Variants in APC2 observed in about 807,000 individuals in gnomAD.
APC2 encodes the protein adenomatous polyposis coli protein 2.
Under a neutral mutation model 72.5 loss-of-function variants are expected in APC2, and 41 were observed. The ratio of observed to expected loss-of-function variants is 0.57; its 90% confidence interval spans 0.44 to 0.73. The LOEUF is 0.73. Ranked by LOEUF, APC2 falls within the 30% of genes least tolerant of loss-of-function variation. APC2 has a pLI of 0.00. For synonymous variants in APC2, 1,898 were observed against 1,612.0 expected (o/e 1.18, Z -4.25); for missense variants, 3,729 against 3,403.4 (o/e 1.10, Z -2.38).
In APC2 at chr19:1,450,309, C is replaced by G; in HGVS notation, c.-48C>G. On this transcript the variant is annotated 5_prime_UTR_variant, in exon 1 of 15. Transcript: ENST00000590469. ...AGAGGGAGGAGGCCCCAGACCCAGG[C>G]GCCCCGCCAGCCCAGCTGCACGTAA... is the stretch of plus-strand genomic sequence containing the variant. 1 of 985,478 alleles carries G rather than the reference C, an allele frequency of 1.0e-6. No homozygotes were observed. The highest frequency in any genetic ancestry group is 1.2e-6 in the Non-Finnish European group (1 of 829,946). 61.0% of individuals were successfully genotyped at this position (985,478 alleles called of 1,614,324 possible).
At position 1,467,961 on chromosome 19, in the gene APC2, G is replaced by T. The variant is rs765175644; in HGVS notation, c.4660G>T (p.Ala1554Ser). The T allele has an allele frequency of 6.3e-7, 1 of 1,580,988 alleles. No individual in the cohort carries two copies. The highest frequency in any genetic ancestry group is 8.5e-7 in the Non-Finnish European group (1 of 1,172,746). The part of the protein sequence containing the change: ...GRKEAPAPSK[A>S]APAAPPPART... ...GAAGGAGGCCCCTGCCCCGTCCAAG[G>T]CTGCACCAGCTGCCCCGCCGCCCGC... The change falls in exon 15 of 15, where the codon GCT becomes TCT. Residue 1554 changes from alanine (A) to serine (S), a missense_variant. By Grantham distance (99) the Ala-to-Ser change is moderately conservative (BLOSUM62 1). Transcript: ENST00000590469.
chr19:1,458,817 G>A (rs1408026230), intron 10 of APC2, among the ~76,000 whole-genome samples: 1 of 151,934 alleles, frequency 6.6e-6, no homozygotes, highest in Non-Finnish European at 1.5e-5. Flanking sequence ...CCGAGTAGCT[G>A]GGATTACAGG....
rs766877349 is a variant in APC2 at position 1,469,861 on chromosome 19, G to A, written c.6560G>A (p.Ser2187Asn). The change falls in exon 15 of 15, where the codon AGC becomes AAC. Residue 2187 changes from serine (S) to asparagine (N), a missense_variant. Physicochemically the swap from Ser to Asn is conservative, Grantham distance 46. Transcript: ENST00000590469. ...GCCGGGCCCCCGCCGCGCAAGACCA[G>A]CGACGCCGTGGTCCAGACCGAGGAG... is the stretch of plus-strand genomic sequence containing the variant. Reference protein sequence around the residue: ...APAGPPPRKTSDAVVQTEEVA... With the variant: ...APAGPPPRKTNDAVVQTEEVA... 759 of 1,521,348 alleles carry A rather than the reference G, an allele frequency of 5.0e-4. No individual in the cohort carries two copies. The highest frequency in any genetic ancestry group is 6.1e-4 in the Non-Finnish European group (696 of 1,141,570). 94.2% of individuals were successfully genotyped at this position (1,521,348 alleles called of 1,614,324 possible).
Position 1,452,675 on chromosome 19 carries a change from G to A in APC2, c.-18-309G>A. 1 of 337,066 alleles carries A rather than the reference G, an allele frequency of 3.0e-6. No homozygotes were observed. Among genetic ancestry groups the A allele is most frequent in the Non-Finnish European group, 5.6e-6 (1 of 178,356 alleles). The allele number at this position is 337,066 out of a possible 1,614,324, so 20.9% of individuals were successfully genotyped here. A position where few individuals can be genotyped will look rare whatever the true frequency, so the allele number is the denominator to read the frequency against. On this transcript the variant is annotated intron_variant, in intron 1 of 14. Transcript: ENST00000590469. The surrounding 1 kb of genome is among the most constrained non-coding windows in gnomAD (Gnocchi z 5.1). Reference sequence around the variant, plus strand: ...CAGGATGTGTCCTGGGGGCTGGGAAGGAGAGGCCGACCCATCGTCTGTCGG... The same window carrying A: ...CAGGATGTGTCCTGGGGGCTGGGAAAGAGAGGCCGACCCATCGTCTGTCGG...
intron 11 of APC2, 33 bp downstream of exon 11, chr19:1,460,353 C>A: frequency 6.2e-7 from 1 of 1,612,558 alleles, no homozygotes. Context: ...CTGGCACTTT[C>A]CTCATCCAGT....
At position 1,455,496 on chromosome 19, in the gene APC2, C is replaced by A; in HGVS notation, c.635C>A (p.Ala212Glu). Residue 212 changes from alanine (A) to glutamate (E), a missense_variant, in exon 6 of 15, where the codon GCA (alanine) becomes GAA (glutamate). Transcript: ENST00000590469. ...FGTSDEMVQR[A>E]QIRASRLEQI... ...ACCTCGGACGAGATGGTGCAGCGGG[C>A]ACAGGTGCGGCGGTGGGCGGGGTGG... 1 of 1,600,346 alleles carries A rather than the reference C, an allele frequency of 6.2e-7. No individual in the cohort carries two copies. Among genetic ancestry groups the A allele is most frequent in the South Asian group, 1.1e-5 (1 of 89,332 alleles).
chr19:1,465,974 C>T lies in APC2; in HGVS notation c.2673C>T (p.Ser891=), dbSNP rs1302241656. Residue 891 remains serine, a synonymous_variant, in exon 15 of 15, where the codon TCC becomes TCT. Transcript: ENST00000590469. The part of the protein sequence containing the change: ...QEAPREGRAQ[S]CSPCRGPEGG... ...CGCCACGGGAGGGCCGCGCCCAGTC[C>T]TGCTCGCCATGCCGCGGCCCGGAGG... The T allele has an allele frequency of 1.9e-6, 3 of 1,542,136 alleles. No individual in the cohort carries two copies.
At position 1,455,784 on chromosome 19, in the gene APC2, G is replaced by A. The variant is rs114089059; in HGVS notation, c.639+284G>A. 9.1e-3 allele frequency among the ~76,000 whole-genome samples: 1,391 copies of A among 152,240 alleles called. 21 individuals carry two copies. The highest frequency in any genetic ancestry group is 0.031 in the African/African-American group (1,299 of 41,526). On this transcript the variant is annotated intron_variant, in intron 6 of 14. Transcript: ENST00000590469. ...ATCAGCAGGTGGGTGGGGCCTAGAA[G>A]GACGAGGTCTAGGTTCTGGGTGGAG...
chr19:1,446,293 G>A, upstream of APC2: 1 of 985,080 alleles, frequency 1.0e-6, no homozygotes, highest in Non-Finnish European at 1.2e-6. This position sits in a 1 kb window ranked among gnomAD's most constrained non-coding sequence, Gnocchi z 6.1. Flanking sequence ...GCTCCATGGG[G>A]CTCCTGGGGC....
rs1281216151 is a variant in APC2, at chr19:1,465,690, G to C, written c.2389G>C (p.Ala797Pro). The stretch of plus-strand genomic sequence containing the variant: ...TGCGGCCGCGGCCACCGGGGAGCCA[G>C]CCAGCCCTGCCGCGCTGTCCCTCTT... Reference protein sequence around the residue: ...LAAAAATGEPASPAALSLFLG... With the variant: ...LAAAAATGEPPSPAALSLFLG... The change falls in exon 15 of 15, where the codon GCC (alanine) becomes CCC (proline). Residue 797 changes from alanine (A) to proline (P), a missense_variant. By Grantham distance (27) the Ala-to-Pro change is conservative. Coordinates refer to ENST00000590469, the MANE Select transcript of APC2 (RefSeq NM_005883.3). 2 of 1,589,774 alleles carry C rather than the reference G, an allele frequency of 1.3e-6. No individual in the cohort carries two copies. The highest frequency in any genetic ancestry group is 1.7e-6 in the Non-Finnish European group (2 of 1,170,270).
rs1285886923 is a variant in APC2, at chr19:1,472,675, G to C, written c.*2462G>C. ...GGCCACAGCCACACCTCACCGCCCA[G>C]TCCAGCTGTCTCCAGAAGGGGACAG... On this transcript the variant is annotated 3_prime_UTR_variant, in exon 15 of 15. Transcript: ENST00000590469. The C allele has an allele frequency of 7.3e-6, 1 of 136,190 alleles. No homozygotes were observed. Among genetic ancestry groups the C allele is most frequent in the African/African-American group, 2.7e-5 (1 of 36,840 alleles). The allele number at this position is 136,190 out of a possible 1,614,324, so 8.4% of individuals were successfully genotyped here. A position where few individuals can be genotyped will look rare whatever the true frequency, so the allele number is the denominator to read the frequency against.
rs966853106 is a variant in APC2, at chr19:1,467,655, G to A, written c.4354G>A (p.Ala1452Thr). Residue 1452 changes from alanine (A) to threonine (T), a missense_variant, in exon 15 of 15, where the codon GCG becomes ACG. Coordinates refer to ENST00000590469, the MANE Select transcript of APC2 (RefSeq NM_005883.3). ...RHKAGGAGRS[A>T]EQSRGAGKNR... ...CAAGGCGGGAGGCGCCGGCCGCAGC[G>A]CGGAGCAGTCTCGGGGCGCGGGCAA... 10 of 1,478,338 alleles carry A rather than the reference G, an allele frequency of 6.8e-6. No homozygotes were observed. Among genetic ancestry groups the A allele is most frequent in the Middle Eastern group, 4.2e-4 (2 of 4,732 alleles). 91.6% of individuals were successfully genotyped at this position (1,478,338 alleles called of 1,614,324 possible).
At position 1,469,827 on chromosome 19, in the gene APC2, G is replaced by A. The variant is rs2084102042; in HGVS notation, c.6526G>A (p.Asp2176Asn). Residue 2176 changes from aspartate (D) to asparagine (N), a missense_variant, in exon 15 of 15, where the codon GAC becomes AAC. By Grantham distance (23) the Asp-to-Asn change is conservative (BLOSUM62 1). Coordinates refer to ENST00000590469, the MANE Select transcript of APC2 (RefSeq NM_005883.3). ...GCCACTGCGGGGCTCCACGCCCGAG[G>A]ACGCCCCGGCCGGGCCCCCGCCGCG... is the stretch of plus-strand genomic sequence containing the variant. ...ALPLRGSTPE[D>N]APAGPPPRKT... The A allele has an allele frequency of 1.3e-6, 2 of 1,520,512 alleles. No homozygotes were observed. The highest frequency in any genetic ancestry group is 2.0e-5 in the Admixed American group (1 of 49,924). The allele number at this position is 1,520,512 out of a possible 1,614,324, so 94.2% of individuals were successfully genotyped here.
chr19:1,450,458 G>A, intron 1 of APC2, 120 bp downstream of exon 1: 1 of 802,252 alleles, frequency 1.2e-6, no homozygotes, highest in East Asian at 1.3e-4. Flanking sequence ...CCCCAGAGTG[G>A]GAGCTGGAGG....
intron 13 of APC2, chr19:1,461,648 C>T (rs1054758740): frequency 1.2e-4 from 44 of 356,074 alleles, no homozygotes; most frequent in East Asian, 7.3e-4. Flanking sequence ...GTCAGGAGAT[C>T]GAGACCATCC....
upstream of APC2, among the ~76,000 whole-genome samples, chr19:1,446,538 G>A (rs923648551): frequency 2.0e-5 from 3 of 152,016 alleles, no homozygotes; most frequent in East Asian, 1.9e-4. The surrounding 1 kb of genome is among the most constrained non-coding windows in gnomAD (Gnocchi z 6.1). Context: ...GGCGGGGATG[G>A]AAGCCCCTCT....
intron 1 of APC2, among the ~76,000 whole-genome samples, chr19:1,450,929 G>A (rs1232366507): frequency 6.6e-6 from 1 of 152,266 alleles, no homozygotes; most frequent in East Asian, 1.9e-4. Flanking sequence ...AAAGGCCTGA[G>A]AGAAGAGAGC....
intron 10 of APC2, 113 bp from the exon 11 acceptor site, chr19:1,460,068 T>C: frequency 7.0e-7 from 1 of 1,430,800 alleles, no homozygotes; most frequent in African/African-American, 1.4e-5. Context: ...GAAGGGGAAC[T>C]TGAGGGCAGG....
chr19:1,465,860 C>A lies in APC2; in HGVS notation c.2559C>A (p.Arg853=). 1 of 1,568,172 alleles carries A rather than the reference C, an allele frequency of 6.4e-7. No individual in the cohort carries two copies. The highest frequency in any genetic ancestry group is 1.2e-5 in the South Asian group (1 of 86,392). Residue 853 remains arginine (R), a synonymous_variant, in exon 15 of 15, where the codon CGC becomes CGA. Coordinates refer to ENST00000590469, the MANE Select transcript of APC2 (RefSeq NM_005883.3). ...CCAAGCTGGCGCTTGCAGTGGCGCG[C>A]ATCGACCAGCTGGTGGAGGACATCT... The part of the protein sequence containing the change: ...AKAKLALAVA[R]IDQLVEDISA...
Sources: allele counts gnomAD v4.1 joint callset (sites outside exome capture counted in the v4.1 genomes callset), GRCh38; gene constraint gnomAD v4.1.1; non-coding constraint Gnocchi (gnomAD v3.1); transcripts MANE v1.5; gene names NCBI Gene and HGNC (gene_info 2026-07-23, HGNC 2026-07-21).